CYBB: variants seen among roughly 807,000 people sequenced by gnomAD.
CYBB encodes NADPH oxidase 2.
CYBB carries 5 observed loss-of-function variants against 46.5 expected under a neutral mutation model. The ratio of observed to expected loss-of-function variants is 0.11; its 90% CI spans 0.06 to 0.23. CYBB has a LOEUF of 0.23. CYBB is among the 10% of genes least tolerant of loss of function. The pLI is 1.00. For missense variants in CYBB, 307 were observed against 428.3 expected (o/e 0.72, Z 2.50); for synonymous variants, 183 against 156.7 (o/e 1.17, Z -1.26).
At chrX:37,782,946 T>C (rs1206349297) in intron 2 of CYBB, among the ~76,000 whole-genome samples, 1 of 111,928 alleles carries the variant, frequency 8.9e-6, no homozygotes, top group African/African-American at 3.2e-5. Flanking sequence ...ATTACAAATA[T>C]AATAATTATA....
chrX:37,801,975 C>T (rs1240898443), intron 8 of CYBB, among the ~76,000 whole-genome samples: 1 of 111,344 alleles, frequency 9.0e-6, no homozygotes, highest in Admixed American at 9.6e-5. Context: ...TTTCTCATCA[C>T]AAAATAAATA....
At chrX:37,806,305 G>A (rs1556471573) in intron 10 of CYBB, 82 bp from the exon 11 acceptor site, 5 of 1,025,240 alleles carry the variant, frequency 4.9e-6, no homozygotes, top group Non-Finnish European at 5.5e-6. Flanking sequence ...AAAAGTTTAG[G>A]TGACAGAAAG....
At chrX:37,802,822 A>T (rs1556470445) in intron 8 of CYBB, among the ~76,000 whole-genome samples, 1 of 111,696 alleles carries the variant, frequency 9.0e-6, no homozygotes. Context: ...ATTTCTATTG[A>T]TTTTTCTTTC....
intron 11 of CYBB, among the ~76,000 whole-genome samples, chrX:37,809,182 T>C (rs782163157): frequency 7.3e-4 from 81 of 111,627 alleles, no homozygotes; most frequent in African/African-American, 2.6e-3. Context: ...TATATTAGGG[T>C]GGAGAGAAAA....
chrX:37,796,178 C>T, intron 6 of CYBB, 37 bp downstream of exon 6: 1 of 1,118,013 alleles, frequency 8.9e-7, no homozygotes, highest in Non-Finnish European at 1.2e-6. Flanking sequence ...GATTTCATGT[C>T]CCTCAATTTC....
intron 11 of CYBB, among the ~76,000 whole-genome samples, chrX:37,808,308 G>A (rs1929605180): frequency 8.9e-6 from 1 of 112,174 alleles, no homozygotes; most frequent in Admixed American, 9.4e-5. Flanking sequence ...GGGAAGGCTC[G>A]TCAAATACTG....
intron 11 of CYBB, 85 bp downstream of exon 11, chrX:37,806,618 T>A: frequency 1.1e-6 from 1 of 925,800 alleles, no homozygotes; most frequent in East Asian, 3.3e-5. Flanking sequence ...GTGTCTTGTG[T>A]ACTATTTTTT....
chrX:37,780,665 G>C (rs1217163295), intron 1 of CYBB, among the ~76,000 whole-genome samples: 1 of 109,565 alleles, frequency 9.1e-6, no homozygotes, highest in Non-Finnish European at 1.9e-5. Flanking sequence ...AAATTCAAAA[G>C]AACAGAATTG....
intron 6 of CYBB, among the ~76,000 whole-genome samples, chrX:37,796,430 A>T (rs1275828674): frequency 8.9e-6 from 1 of 112,090 alleles, no homozygotes; most frequent in Non-Finnish European, 1.9e-5. Flanking sequence ...GAGCACTGGT[A>T]GGATCTGGAA....
chrX:37,800,141 G>A (rs1929406246), intron 7 of CYBB, among the ~76,000 whole-genome samples: 1 of 111,341 alleles, frequency 9.0e-6, no homozygotes, highest in Admixed American at 9.6e-5. Flanking sequence ...GTGGGCAGGG[G>A]AAGGCACATT....
At chrX:37,807,699 T>G (rs1929591943) in intron 11 of CYBB, among the ~76,000 whole-genome samples, 1 of 111,266 alleles carries the variant, frequency 9.0e-6, no homozygotes, top group South Asian at 3.7e-4. Context: ...AATTACTATA[T>G]ATCTAATGAA....
rs1422144712 is a variant in CYBB, at chrX:37,801,292, C to G, written c.841C>G (p.Leu281Val). 2 of 1,207,194 alleles carry G rather than the reference C, an allele frequency of 1.7e-6. No individual in the cohort carries two copies. The highest frequency in any genetic ancestry group is 3.0e-5 in the East Asian group (1 of 33,740). Residue 281 changes from leucine to valine, a missense_variant, in exon 8 of 13, where the codon CTC (leucine) becomes GTC (valine). Physicochemically the swap from Leu to Val is conservative, Grantham distance 32. This residue lies in a region of CYBB where 82 missense variants were observed against 69.9 expected (regional missense o/e 1.17). Coordinates refer to ENST00000378588, the MANE Select transcript of CYBB (RefSeq NM_000397.4). ...KWIVGPMFLY[L>V]CERLVRFWRS... The stretch of plus-strand genomic sequence containing the variant: ...GATAGTGGGTCCCATGTTTCTGTAT[C>G]TCTGTGAGAGGTTGGTGCGGTTTTG...
intron 9 of CYBB, 78 bp from the exon 10 acceptor site, chrX:37,804,928 C>T (rs1486949425): frequency 1.0e-6 from 1 of 990,075 alleles, no homozygotes; most frequent in Admixed American, 2.2e-5. Flanking sequence ...GTTGCACATC[C>T]CCAATAATTA....
intron 4 of CYBB, among the ~76,000 whole-genome samples, chrX:37,792,508 T>A (rs1370968204): frequency 1.8e-5 from 2 of 111,020 alleles, no homozygotes; most frequent in East Asian, 5.7e-4. Flanking sequence ...ATACCTTCAT[T>A]ATTATTATTA....
intron 2 of CYBB, among the ~76,000 whole-genome samples, chrX:37,782,393 T>C (rs782626274): frequency 8.9e-6 from 1 of 112,523 alleles, no homozygotes; most frequent in South Asian, 3.6e-4. Flanking sequence ...AGGGCCCCAG[T>C]GGCATCCTTC....
intron 3 of CYBB, among the ~76,000 whole-genome samples, chrX:37,790,165 C>T (rs1929166461): frequency 8.9e-6 from 1 of 112,029 alleles, no homozygotes. Flanking sequence ...CACAGTCTCC[C>T]AGAGTTCCCT....
chrX:37,795,203 C>T (rs889907908), intron 5 of CYBB, among the ~76,000 whole-genome samples: 1 of 111,608 alleles, frequency 9.0e-6, no homozygotes, highest in South Asian at 3.7e-4. Context: ...TTCTCACAGG[C>T]TCAGAGATCT....
chrX:37,788,980 C>A (rs1195752490), intron 3 of CYBB, among the ~76,000 whole-genome samples: 3 of 111,499 alleles, frequency 2.7e-5, no homozygotes, highest in Non-Finnish European at 5.7e-5. Context: ...TGAATTCCCA[C>A]CTGGAAACTC....
At chrX:37,782,712 C>A (rs1357989718) in intron 2 of CYBB, among the ~76,000 whole-genome samples, 1 of 111,680 alleles carries the variant, frequency 9.0e-6, no homozygotes, top group Non-Finnish European at 1.9e-5. Context: ...TTCCTTGGGT[C>A]CTTTAGTATT....
Sources: gnomAD v4.1 joint callset for allele counts (sites outside exome capture counted in the v4.1 genomes callset) on GRCh38, gnomAD v4.1.1 for gene constraint, gnomAD v4.1.1 regional missense constraint, MANE v1.5 for transcripts, NCBI Gene and HGNC (gene_info 2026-07-23, HGNC 2026-07-21) for gene names.